The following MTUS2 variants were observed in gnomAD, a reference collection of about 807,000 sequenced individuals.
MTUS2 encodes the protein microtubule associated scaffold protein 2.
MTUS2 carries 40 observed loss-of-function variants against 114.1 expected under a neutral mutation model. The observed-to-expected ratio is 0.35, with a 90% CI of 0.27 to 0.46. The LOEUF (loss-of-function observed/expected upper bound fraction) is 0.46, where lower values mean the gene tolerates loss of function less well. Ranked by LOEUF, MTUS2 falls within the 20% of genes least tolerant of loss-of-function variation. The pLI, the probability that MTUS2 is intolerant of heterozygous loss-of-function variation, is 1.00. For missense variants in MTUS2, 1,679 were observed against 1,705.4 expected, an observed-to-expected ratio of 0.98 and a Z score of 0.27; for synonymous variants, 688 against 672.0, an observed-to-expected ratio of 1.02 and a Z score of -0.37.
chr13:28,834,366 GA>G (rs1199175097), intron 1 of MTUS2, among the ~76,000 whole-genome samples: 2 of 152,102 alleles, frequency 1.3e-5, no homozygotes, highest in Admixed American at 1.3e-4. Flanking sequence ...ATAAGGCCCA[GA>G]AGCAAACCCT....
At chr13:29,095,955 G>A (rs1890161251) in intron 4 of MTUS2, among the ~76,000 whole-genome samples, 1 of 151,866 alleles carries the variant, frequency 6.6e-6, no homozygotes, top group Non-Finnish European at 1.5e-5. Context: ...TTTGACTGCT[G>A]GGTCTTTTCA....
At chr13:29,009,742 G>T (rs1053161595) in intron 2 of MTUS2, among the ~76,000 whole-genome samples, 2 of 111,150 alleles carry the variant, frequency 1.8e-5, no homozygotes, top group East Asian at 6.5e-4. Context: ...GTTTTCTTAT[G>T]TTTTCTTTAT....
rs530498539 is a variant in MTUS2 at position 29,017,033 on chromosome 13, A to G, written c.-242-7424A>G. On this transcript the variant is annotated intron_variant, in intron 2 of 15. Coordinates refer to ENST00000612955, the MANE Select transcript of MTUS2 (RefSeq NM_001033602.4). ...CCAAGAACCTGAATGTTCCTAAGTAATTATAACTGCAGAAAACATGGAGGT... is the reference window on the plus strand; with the variant it reads ...CCAAGAACCTGAATGTTCCTAAGTAGTTATAACTGCAGAAAACATGGAGGT... Among the ~76,000 whole-genome samples the G allele has an allele frequency of 8.5e-5, 13 of 152,338 alleles. No individual in the cohort carries two copies. The South Asian group carries it at 2.7e-3, about 32-fold the overall frequency.
At chr13:29,308,087 T>C (rs1422035422) in intron 6 of MTUS2, among the ~76,000 whole-genome samples, 1 of 152,182 alleles carries the variant, frequency 6.6e-6, no homozygotes, top group Non-Finnish European at 1.5e-5. Context: ...AAAAAGATCC[T>C]GAATAGCCAA....
rs560994967 is a variant in MTUS2 at position 28,845,620 on chromosome 13, G to A, written c.-243+5770G>A. Among the ~76,000 whole-genome samples, 16 of 151,624 alleles carry A rather than the reference G, an allele frequency of 1.1e-4. No homozygotes were observed. In the East Asian group the frequency reaches 1.2e-3, roughly 11 times the overall value. Reference sequence around the variant, plus strand: ...CTTATTTAATGGAAGGACTGGCTTCGTGGTAGAGGTCCCTGTTATGTTCCC... The same window carrying A: ...CTTATTTAATGGAAGGACTGGCTTCATGGTAGAGGTCCCTGTTATGTTCCC... On this transcript the variant is annotated intron_variant, in intron 2 of 15. Transcript: ENST00000612955.
intron 2 of MTUS2, among the ~76,000 whole-genome samples, chr13:28,938,459 T>C (rs1349551882): frequency 1.3e-5 from 2 of 152,154 alleles, no homozygotes; most frequent in Non-Finnish European, 2.9e-5. Flanking sequence ...ATTATTGTTG[T>C]GTTAATCAGA....
At chr13:28,867,451 A>AAGG (rs34368887) in intron 2 of MTUS2, among the ~76,000 whole-genome samples, 26,578 of 152,142 alleles carry the variant, frequency 0.17, 2,845 homozygotes, top group African/African-American at 0.3. Flanking sequence ...GCTTCCGGAG[A>AAGG]AGAATGTAAT....
intron 5 of MTUS2, among the ~76,000 whole-genome samples, chr13:29,104,962 G>C (rs1049949042): frequency 6.6e-6 from 1 of 152,042 alleles, no homozygotes; most frequent in African/African-American, 2.4e-5. Context: ...ATTTAGTGTC[G>C]GAAACATACT....
intron 2 of MTUS2, among the ~76,000 whole-genome samples, chr13:28,996,722 T>G (rs1885128172): frequency 6.6e-6 from 1 of 152,218 alleles, no homozygotes; most frequent in East Asian, 1.9e-4. Flanking sequence ...GTAGTTTGTA[T>G]TTATGTGGTA....
At chr13:29,339,672 G>A (rs533996466) in intron 7 of MTUS2, 5 of 183,298 alleles carry the variant, frequency 2.7e-5, no homozygotes, top group Non-Finnish European at 5.7e-5. Flanking sequence ...CTCAGGAGCG[G>A]TGGCCTGTTG....
At chr13:29,075,400 T>A (rs1050734862) in intron 4 of MTUS2, among the ~76,000 whole-genome samples, 1 of 152,216 alleles carries the variant, frequency 6.6e-6, no homozygotes, top group Non-Finnish European at 1.5e-5. Context: ...TTATAAAAGT[T>A]TTGAATCCTA....
intron 4 of MTUS2, among the ~76,000 whole-genome samples, chr13:29,098,880 C>G (rs1194819691): frequency 6.6e-6 from 1 of 152,112 alleles, no homozygotes; most frequent in Non-Finnish European, 1.5e-5. Flanking sequence ...ATTCTCCTCA[C>G]TCGATTTTGC....
At chr13:29,137,578 TTC>T (rs945384486) in intron 5 of MTUS2, among the ~76,000 whole-genome samples, 1 of 151,964 alleles carries the variant, frequency 6.6e-6, no homozygotes, top group Non-Finnish European at 1.5e-5. Context: ...TTCTTTCTTC[TTC>T]TTTCTTCTTT....
chr13:29,337,605 A>T lies in MTUS2; in HGVS notation c.2905+12894A>T, dbSNP rs868788889. On this transcript the variant is annotated intron_variant, in intron 7 of 15. Coordinates refer to ENST00000612955, the MANE Select transcript of MTUS2 (RefSeq NM_001033602.4). ...TGTTTTATTTATTTTTTATTTTTCT[A>T]TTTTTTTTTTTTTGAGATGGGGGTC... Among the ~76,000 whole-genome samples, 567 of 144,988 alleles carry T rather than the reference A, an allele frequency of 3.9e-3. 4 individuals are homozygous for T. Among genetic ancestry groups the T allele is most frequent in the Admixed American group, 6.9e-3 (100 of 14,598 alleles).
At chr13:28,966,801 G>A (rs368681966) in intron 2 of MTUS2, among the ~76,000 whole-genome samples, 42 of 151,234 alleles carry the variant, frequency 2.8e-4, no homozygotes, top group African/African-American at 6.5e-4. Context: ...AAGGTTTAGC[G>A]TTGCAAACCT....
intron 2 of MTUS2, among the ~76,000 whole-genome samples, chr13:28,876,277 G>A (rs1877923805): frequency 1.3e-5 from 2 of 152,182 alleles, no homozygotes; most frequent in Non-Finnish European, 2.9e-5. Context: ...AGATTCTGAA[G>A]CAAAGAGACC....
chr13:28,893,097 G>A (rs1465329251), intron 2 of MTUS2, among the ~76,000 whole-genome samples: 1 of 152,188 alleles, frequency 6.6e-6, no homozygotes, highest in Non-Finnish European at 1.5e-5. Context: ...ATTTTCAGGT[G>A]TATATGGAGG....
At chr13:28,979,574 T>C (rs1160773131) in intron 2 of MTUS2, among the ~76,000 whole-genome samples, 1 of 152,176 alleles carries the variant, frequency 6.6e-6, no homozygotes, top group East Asian at 1.9e-4. Context: ...GATTTAGAAA[T>C]AACAAGTTTG....
At chr13:29,484,450 G>T (rs78416829) in intron 10 of MTUS2, among the ~76,000 whole-genome samples, 2 of 152,308 alleles carry the variant, frequency 1.3e-5, no homozygotes, top group South Asian at 4.2e-4. Flanking sequence ...GGGAGGAGGC[G>T]GTGCAGTGGA....
Sources: allele counts gnomAD v4.1 joint callset (sites outside exome capture counted in the v4.1 genomes callset), GRCh38; gene constraint gnomAD v4.1.1; transcripts MANE v1.5; gene names NCBI Gene and HGNC (gene_info 2026-07-23, HGNC 2026-07-21).